ANXA11: variants seen among roughly 807,000 people sequenced by gnomAD.
ANXA11 encodes the protein annexin A11.
In ANXA11, 57 loss-of-function variants were observed where a neutral mutation model predicts 64.7. The ratio of observed to expected loss-of-function variants is 0.88; its 90% CI spans 0.71 to 1.10. The LOEUF (loss-of-function observed/expected upper bound fraction) is 1.10. Ranked by LOEUF, ANXA11 falls within the 50% of genes least tolerant of loss-of-function variation. The pLI is 0.00. For synonymous variants in ANXA11, 260 were observed against 265.2 expected (o/e 0.98, Z 0.19); for missense variants, 675 against 670.7 (o/e 1.01, Z -0.07).
chr10:80,155,845 G>A lies in ANXA11; in HGVS notation c.*8C>T. ...GCAGGTGGGCAGAAGTGAGCCACCA[G>A]TCACTGTTCAGTCATTGCCACCACA... On this transcript the variant is annotated 3_prime_UTR_variant, in exon 16 of 16. Transcript: ENST00000422982. 1.2e-6 allele frequency: 2 copies of A among 1,614,038 alleles called. No homozygotes were observed. The highest frequency in any genetic ancestry group is 8.5e-7 in the Non-Finnish European group (1 of 1,179,834).
rs142007028 is a variant in ANXA11 at position 80,181,843 on chromosome 10, G to A, written c.-57-5688C>T. The stretch of plus-strand genomic sequence containing the variant: ...ACTTTCATTCATCGCTGGTGGGGAT[G>A]TAAAGCGGTATAGGCACTTTGGAAG... On this transcript the variant is annotated intron_variant, in intron 1 of 15. Coordinates refer to ENST00000422982, the MANE Select transcript of ANXA11 (RefSeq NM_145868.2). Among the ~76,000 whole-genome samples the A allele has an allele frequency of 7.3e-3, 1,114 of 152,344 alleles. 9 individuals carry two copies. The highest frequency in any genetic ancestry group is 9.8e-3 in the Non-Finnish European group (665 of 68,040).
chr10:80,154,848 T>A lies in ANXA11; in HGVS notation c.*1005A>T, dbSNP rs990233168. The A allele has an allele frequency of 1.3e-5, 2 of 152,274 alleles. No homozygotes were observed. The highest frequency in any genetic ancestry group is 3.9e-4 in the East Asian group (2 of 5,154). The allele number at this position is 152,274 out of a possible 1,614,324, so 9.4% of individuals were successfully genotyped here. On this transcript the variant is annotated 3_prime_UTR_variant, in exon 16 of 16. Transcript: ENST00000422982. Reference sequence around the variant, plus strand: ...CCCTTCTTCCCTCCTGGGACCTGGGTGAAGGACTGCATTCTTCGCACCACA... The same window carrying A: ...CCCTTCTTCCCTCCTGGGACCTGGGAGAAGGACTGCATTCTTCGCACCACA...
At position 80,154,955 on chromosome 10, in the gene ANXA11, G is replaced by A. The variant is rs1486399200; in HGVS notation, c.*898C>T. 6.6e-6 allele frequency: 1 copy of A among 152,222 alleles called. No individual in the cohort carries two copies. The highest frequency in any genetic ancestry group is 2.4e-5 in the African/African-American group (1 of 41,436). The allele number at this position is 152,222 out of a possible 1,614,324, so 9.4% of individuals were successfully genotyped here. Reference sequence around the variant, plus strand: ...GTCTGGGCCTCCTGCCTGGATTTCGGGAACCTCCCTTCCCATGTCCTTACG... The same window carrying A: ...GTCTGGGCCTCCTGCCTGGATTTCGAGAACCTCCCTTCCCATGTCCTTACG... On this transcript the variant is annotated 3_prime_UTR_variant, in exon 16 of 16. Coordinates refer to ENST00000422982, the MANE Select transcript of ANXA11 (RefSeq NM_145868.2).
intron 1 of ANXA11, among the ~76,000 whole-genome samples, chr10:80,193,736 C>T (rs1194948539): frequency 7.1e-6 from 1 of 141,128 alleles, no homozygotes; most frequent in Admixed American, 7.2e-5. Flanking sequence ...CCCACCTACT[C>T]GGGAGGCTGG....
Position 80,155,864 on chromosome 10 carries a change from C to G in ANXA11, c.1507G>C (p.Gly503Arg), listed in dbSNP as rs190607138. 3.7e-6 allele frequency: 6 copies of G among 1,614,202 alleles called. No homozygotes were observed. In the Admixed American group the frequency reaches 1.0e-4, roughly 27 times the overall value. ...YRKILLKICG[G>R]ND ...CCACCAGTCACTGTTCAGTCATTGC[C>G]ACCACAGATCTTCAGCAGAATCTTC... Residue 503 changes from glycine (G) to arginine (R), a missense_variant, in exon 16 of 16, where the codon GGC (glycine) becomes CGC (arginine). Physicochemically the swap from Gly to Arg is moderately radical, Grantham distance 125. Coordinates refer to ENST00000422982, the MANE Select transcript of ANXA11 (RefSeq NM_145868.2).
At chr10:80,166,837 G>A in intron 7 of ANXA11, 53 bp downstream of exon 7, 1 of 1,374,338 alleles carries the variant, frequency 7.3e-7, no homozygotes, top group Non-Finnish European at 1.0e-6. Flanking sequence ...GAGCAGGGCT[G>A]TGCTGAGCCC....
Position 80,154,676 on chromosome 10 carries a change from A to C in ANXA11, c.*1177T>G, listed in dbSNP as rs1845220183. The C allele has an allele frequency of 6.6e-6, 1 of 152,250 alleles. No individual in the cohort carries two copies. Among genetic ancestry groups the C allele is most frequent in the African/African-American group, 2.4e-5 (1 of 41,446 alleles). 9.4% of individuals were successfully genotyped at this position (152,250 alleles called of 1,614,324 possible). A position where few individuals can be genotyped will look rare whatever the true frequency, so the allele number is the denominator to read the frequency against. On this transcript the variant is annotated 3_prime_UTR_variant, in exon 16 of 16. Coordinates refer to ENST00000422982, the MANE Select transcript of ANXA11 (RefSeq NM_145868.2). ...ATTCTCTTCCCTCACACCACCAACC[A>C]ACGGGCACAGGGTCCCCAGAGACCA...
chr10:80,171,654 T>C (rs1845981799), intron 3 of ANXA11: 1 of 985,540 alleles, frequency 1.0e-6, no homozygotes, highest in Middle Eastern at 5.2e-4. Context: ...TTCGACATCA[T>C]CATGGGGCCT....
chr10:80,184,677 C>G (rs549567713), intron 1 of ANXA11, among the ~76,000 whole-genome samples: 1 of 152,260 alleles, frequency 6.6e-6, no homozygotes, highest in African/African-American at 2.4e-5. Context: ...GACTCAGGTG[C>G]TGATTCACCT....
rs1380311558 is a variant in ANXA11 at position 80,205,508 on chromosome 10, A to C, written c.-223T>G. The C allele has an allele frequency of 4.6e-5, 7 of 151,908 alleles. No homozygotes were observed. In the East Asian group the frequency reaches 1.4e-3, roughly 30 times the overall value. 9.4% of individuals were successfully genotyped at this position (151,908 alleles called of 1,614,324 possible). ...CGGGGCACTGGGGAGCCGCGGGCGCAGCAGCCGTCAGCGCCGGGCGGAAAA... is the reference window on the plus strand; with the variant it reads ...CGGGGCACTGGGGAGCCGCGGGCGCCGCAGCCGTCAGCGCCGGGCGGAAAA... On this transcript the variant is annotated 5_prime_UTR_variant, in exon 1 of 16. Transcript: ENST00000422982.
At chr10:80,172,019 G>C (rs1222139597) in intron 3 of ANXA11, 1 of 703,212 alleles carries the variant, frequency 1.4e-6, no homozygotes, top group Admixed American at 6.3e-5. Flanking sequence ...TGCAGGTCTG[G>C]GGTGTTCAAA....
At chr10:80,175,058 T>A (rs1051626895) in intron 2 of ANXA11, among the ~76,000 whole-genome samples, 1 of 152,066 alleles carries the variant, frequency 6.6e-6, no homozygotes, top group Non-Finnish European at 1.5e-5. Context: ...CTCCTTGCAG[T>A]TTTCGGTCTC....
chr10:80,168,912 G>A (rs1845851079), intron 5 of ANXA11, 57 bp downstream of exon 5: 3 of 1,448,786 alleles, frequency 2.1e-6, no homozygotes, highest in South Asian at 1.5e-5. Flanking sequence ...TGAGCCATGT[G>A]TCTCCAGCCT....
rs781321967 is a variant in ANXA11, at chr10:80,163,382, G to A, written c.1053C>T (p.Asn351=). 6 of 1,613,856 alleles carry A rather than the reference G, an allele frequency of 3.7e-6. No homozygotes were observed. The highest frequency in any genetic ancestry group is 5.1e-6 in the Non-Finnish European group (6 of 1,180,046). ...LSQGNRDEST[N]VDMSLAQRDA... ...CTCTCTGGGCGAGTGACATGTCCAC[G>A]TTTGTGCTTTCATCACGGTTTCCCT... Residue 351 remains asparagine (N), a synonymous_variant, in exon 11 of 16, where the codon AAC becomes AAT. Coordinates refer to ENST00000422982, the MANE Select transcript of ANXA11 (RefSeq NM_145868.2).
At position 80,154,734 on chromosome 10, in the gene ANXA11, C is replaced by T. The variant is rs568185646; in HGVS notation, c.*1119G>A. 1 of 152,406 alleles carries T rather than the reference C, an allele frequency of 6.6e-6. No homozygotes were observed. The highest frequency in any genetic ancestry group is 2.4e-5 in the African/African-American group (1 of 41,578). The allele number at this position is 152,406 out of a possible 1,614,324, so 9.4% of individuals were successfully genotyped here. A position where few individuals can be genotyped will look rare whatever the true frequency, so the allele number is the denominator to read the frequency against. On this transcript the variant is annotated 3_prime_UTR_variant, in exon 16 of 16. Transcript: ENST00000422982. ...GAGCCCCTTTCAGCCTGGAGGCACC[C>T]TGAGGGGAGGCACTGGTCTTGTGAC... is the stretch of plus-strand genomic sequence containing the variant.
intron 1 of ANXA11, among the ~76,000 whole-genome samples, chr10:80,176,767 A>C (rs1437207836): frequency 6.6e-6 from 1 of 152,106 alleles, no homozygotes; most frequent in East Asian, 1.9e-4. Context: ...CTTTTAAGGG[A>C]GTTCCCAGCA....
intron 1 of ANXA11, among the ~76,000 whole-genome samples, chr10:80,194,667 C>A (rs773629071): frequency 2.0e-5 from 3 of 152,152 alleles, no homozygotes; most frequent in Non-Finnish European, 4.4e-5. Flanking sequence ...TCAATGAGTG[C>A]GCCTGCAGGG....
Position 80,166,963 on chromosome 10 carries a change from A to T in ANXA11, c.671T>A (p.Ile224Asn), listed in dbSNP as rs770398776. The T allele has an allele frequency of 6.2e-7, 1 of 1,604,798 alleles. No individual in the cohort carries two copies. Among genetic ancestry groups the T allele is most frequent in the East Asian group, 2.2e-5 (1 of 44,452 alleles). ...GTTGGAGCGACTCCCCAGGCAGTCA[A>T]TGATGGCCTGCTCATCCGTCCCTGG... ...KGFGTDEQAI[I>N]DCLGSRSNKQ... The change falls in exon 7 of 16, where the codon ATT becomes AAT. Residue 224 changes from isoleucine to asparagine, a missense_variant. Transcript: ENST00000422982.
chr10:80,176,781 G>A (rs944871450), intron 1 of ANXA11, among the ~76,000 whole-genome samples: 1 of 152,152 alleles, frequency 6.6e-6, no homozygotes, highest in Non-Finnish European at 1.5e-5. Flanking sequence ...CCCAGCAGGA[G>A]TCAAAATCTG....
Sources: gnomAD v4.1 joint callset for allele counts (sites outside exome capture counted in the v4.1 genomes callset) on GRCh38, gnomAD v4.1.1 for gene constraint, MANE v1.5 for transcripts, NCBI Gene and HGNC (gene_info 2026-07-23, HGNC 2026-07-21) for gene names.